Variants in ALG5 observed in about 807,000 individuals in gnomAD.
The protein encoded by ALG5 is ALG5 dolichyl-phosphate beta-glucosyltransferase, also known as dolichyl-phosphate beta-glucosyltransferase.
A neutral mutation model predicts 51.8 loss-of-function variants in ALG5; 26 were observed. That is an observed-to-expected ratio of 0.50 (90% CI 0.37 to 0.70). The LOEUF is 0.70. Among genes scored for constraint, ALG5 ranks in the 30% least tolerant of loss-of-function variants. The probability of loss-of-function intolerance (pLI) is 0.00; values close to 1 mark genes in which losing one functional copy is unlikely to be tolerated. For synonymous variants in ALG5, 141 were observed against 136.1 expected, an observed-to-expected ratio of 1.04 and a Z score of -0.25; for missense variants, 311 against 399.3, an observed-to-expected ratio of 0.78 and a Z score of 1.88.
chr13:36,968,685 C>T (rs889755932), intron 7 of ALG5, among the ~76,000 whole-genome samples: 12 of 152,218 alleles, frequency 7.9e-5, no homozygotes, highest in African/African-American at 1.2e-4. Flanking sequence ...AATAAGCTAC[C>T]GAAGTTGTCA....
chr13:36,965,907 C>T (rs1259865347), intron 7 of ALG5, among the ~76,000 whole-genome samples, 181 bp from the exon 8 acceptor site: 1 of 152,148 alleles, frequency 6.6e-6, no homozygotes, highest in Non-Finnish European at 1.5e-5. Flanking sequence ...AGAATGCCTA[C>T]TGCTTGGAGC....
At chr13:36,996,630 T>C (rs997881471) in intron 1 of ALG5, among the ~76,000 whole-genome samples, 1 of 152,154 alleles carries the variant, frequency 6.6e-6, no homozygotes, top group Non-Finnish European at 1.5e-5. Context: ...AATCATAAAT[T>C]TGCAATGATA....
chr13:36,997,691 C>T (rs915563168), intron 1 of ALG5, among the ~76,000 whole-genome samples: 1 of 151,964 alleles, frequency 6.6e-6, no homozygotes, highest in Non-Finnish European at 1.5e-5. Flanking sequence ...TCTGTGACCA[C>T]TTTATTGTGG....
At chr13:36,978,922 A>AG (rs1323412750) in intron 6 of ALG5, among the ~76,000 whole-genome samples, 1 of 151,128 alleles carries the variant, frequency 6.6e-6, no homozygotes, top group South Asian at 2.1e-4. Context: ...TCTCAATTAA[A>AG]AAAAAAAAAA....
intron 9 of ALG5, 149 bp from the exon 10 acceptor site, chr13:36,950,206 T>A: frequency 1.9e-6 from 1 of 536,446 alleles, no homozygotes; most frequent in South Asian, 2.9e-5. Context: ...ATTTCAAAGC[T>A]GAAGTGAGTG....
Position 36,999,324 on chromosome 13 carries a change from C to CA in ALG5, c.-25dup, listed in dbSNP as rs746017779. 3.1e-5 allele frequency: 48 copies of CA among 1,560,326 alleles called. No homozygotes were observed. The highest frequency in any genetic ancestry group is 3.8e-5 in the Non-Finnish European group (44 of 1,156,414). On this transcript the variant is annotated 5_prime_UTR_variant, in exon 1 of 10. Coordinates refer to ENST00000239891, the MANE Select transcript of ALG5 (RefSeq NM_013338.5). ...ATTCTCCATGCCGTGGCAGCCCGCC[C>CA]AATCCCGCACCTCCACACAGGCGGA...
chr13:36,953,180 G>C (rs2058825667), intron 8 of ALG5, among the ~76,000 whole-genome samples: 1 of 152,120 alleles, frequency 6.6e-6, no homozygotes, highest in Admixed American at 6.5e-5. Flanking sequence ...AGCTACTTTG[G>C]ACTAGTCTGA....
At chr13:36,950,262 TG>T (rs1478579894) in intron 9 of ALG5, among the ~76,000 whole-genome samples, 1 of 152,050 alleles carries the variant, frequency 6.6e-6, no homozygotes. Context: ...TGAAGTGAAA[TG>T]AAACTTGAGA....
At chr13:36,988,484 T>C (rs17054790) in intron 5 of ALG5, among the ~76,000 whole-genome samples, 7,417 of 152,294 alleles carry the variant, frequency 0.049, 330 homozygotes, top group African/African-American at 0.12. Context: ...TGCTGTTTTC[T>C]CAAGTCTTTT....
intron 6 of ALG5, among the ~76,000 whole-genome samples, chr13:36,984,766 C>T (rs957667376): frequency 2.0e-5 from 3 of 151,908 alleles, no homozygotes; most frequent in African/African-American, 7.3e-5. Flanking sequence ...GAGGAGGGAC[C>T]CTCCCCTGGA....
At chr13:36,966,976 A>G (rs2058896961) in intron 7 of ALG5, among the ~76,000 whole-genome samples, 1 of 152,040 alleles carries the variant, frequency 6.6e-6, no homozygotes, top group African/African-American at 2.4e-5. Flanking sequence ...TAATCCCAGC[A>G]CTCTGGGAGG....
At chr13:36,969,954 T>A (rs1301874398) in intron 7 of ALG5, among the ~76,000 whole-genome samples, 1 of 151,890 alleles carries the variant, frequency 6.6e-6, no homozygotes, top group Non-Finnish European at 1.5e-5. Context: ...TCAGCTTTAC[T>A]GGCTGCACAT....
Position 36,965,737 on chromosome 13 carries a change from A to G in ALG5, c.622-11T>C. 6.2e-7 allele frequency: 1 copy of G among 1,606,074 alleles called. No homozygotes were observed. The highest frequency in any genetic ancestry group is 8.5e-7 in the Non-Finnish European group (1 of 1,177,350). ...ACGGAAGTAAGAACGCTGAAAACAAAGACAAAATATAAATGACTTTTCCAT... is the reference window on the plus strand; with the variant it reads ...ACGGAAGTAAGAACGCTGAAAACAAGGACAAAATATAAATGACTTTTCCAT... On this transcript the variant is annotated splice_polypyrimidine_tract_variant and intron_variant, in intron 7 of 9. Coordinates refer to ENST00000239891, the MANE Select transcript of ALG5 (RefSeq NM_013338.5).
chr13:36,982,022 C>T (rs904173359), intron 6 of ALG5, among the ~76,000 whole-genome samples: 10 of 152,170 alleles, frequency 6.6e-5, no homozygotes, highest in African/African-American at 2.4e-4. Context: ...ACCCGGGAGG[C>T]GGAGCTTGCA....
intron 3 of ALG5, 97 bp downstream of exon 3, chr13:36,994,892 G>T: frequency 9.4e-7 from 1 of 1,059,104 alleles, no homozygotes; most frequent in Non-Finnish European, 1.4e-6. Context: ...GGTGCTGCCA[G>T]GACTGCCTCT....
At chr13:36,992,298 C>T (rs1380848890) in intron 4 of ALG5, among the ~76,000 whole-genome samples, 5 of 152,104 alleles carry the variant, frequency 3.3e-5, no homozygotes, top group Admixed American at 2.0e-4. Context: ...TCAGAACTCT[C>T]GACTTCTGCT....
At chr13:36,951,061 A>G (rs1184787413) in intron 9 of ALG5, among the ~76,000 whole-genome samples, 2 of 152,224 alleles carry the variant, frequency 1.3e-5, no homozygotes, top group South Asian at 2.1e-4. Flanking sequence ...AAAGCACTGT[A>G]GAGACATTAT....
chr13:36,981,008 T>C (rs1384290078), intron 6 of ALG5, among the ~76,000 whole-genome samples: 1 of 152,126 alleles, frequency 6.6e-6, no homozygotes, highest in Non-Finnish European at 1.5e-5. Flanking sequence ...ATTTTTAGTA[T>C]GAAAATGTAA....
intron 1 of ALG5, among the ~76,000 whole-genome samples, chr13:36,997,356 C>T (rs2059055587): frequency 6.6e-6 from 1 of 150,514 alleles, no homozygotes; most frequent in Non-Finnish European, 1.5e-5. Flanking sequence ...GCCTGTAATC[C>T]CAGCTACTCA....
Sources: gnomAD v4.1 joint callset for allele counts (sites outside exome capture counted in the v4.1 genomes callset) on GRCh38, gnomAD v4.1.1 for gene constraint, MANE v1.5 for transcripts, NCBI Gene and HGNC (gene_info 2026-07-23, HGNC 2026-07-21) for gene names.